Variants in PCDHGA2 observed in about 807,000 individuals in gnomAD.
PCDHGA2 encodes protocadherin gamma subfamily A, 2.
PCDHGA2 carries 40 observed loss-of-function variants against 59.2 expected under a neutral mutation model. The ratio of observed to expected loss-of-function variants is 0.68; its 90% confidence interval spans 0.52 to 0.88. The LOEUF (loss-of-function observed/expected upper bound fraction) is 0.88. Among genes scored for constraint, PCDHGA2 ranks in the 40% least tolerant of loss-of-function variants. The pLI is 0.00. For missense variants in PCDHGA2, 1,226 were observed against 1,204.0 expected, an observed-to-expected ratio of 1.02 and a Z score of -0.27; for synonymous variants, 560 against 526.0, an observed-to-expected ratio of 1.06 and a Z score of -0.89.
chr5:141,400,630 A>G, intron 1 of PCDHGA2: 8 of 1,394,666 alleles, frequency 5.7e-6, no homozygotes, highest in East Asian at 2.3e-5. Flanking sequence ...TAGGGAAGTC[A>G]GAGCTGCTCA....
chr5:141,423,759 G>C, intron 1 of PCDHGA2: 1 of 321,042 alleles, frequency 3.1e-6, no homozygotes, highest in Non-Finnish European at 4.5e-6. Flanking sequence ...TTGGGGGGGG[G>C]GTGGGGCGGC....
intron 1 of PCDHGA2, chr5:141,388,912 C>T: frequency 6.2e-7 from 1 of 1,613,946 alleles, no homozygotes; most frequent in Non-Finnish European, 8.5e-7. Flanking sequence ...GACAACGCCC[C>T]AGAAGTGATA....
intron 1 of PCDHGA2, chr5:141,420,067 A>C (rs2096463342): frequency 6.2e-7 from 1 of 1,614,034 alleles, no homozygotes; most frequent in Non-Finnish European, 8.5e-7. Flanking sequence ...CCAAGTCCGG[A>C]CCTGTGGGTC....
intron 1 of PCDHGA2, chr5:141,413,652 G>A: frequency 6.2e-7 from 1 of 1,613,780 alleles, no homozygotes; most frequent in Non-Finnish European, 8.5e-7. Context: ...TTCCTCTCCC[G>A]GAAGCTATTG....
intron 1 of PCDHGA2, chr5:141,383,056 G>A (rs768364409): frequency 4.3e-6 from 7 of 1,613,906 alleles, no homozygotes; most frequent in Non-Finnish European, 5.9e-6. Context: ...CAAGGACCTG[G>A]GGCTGGAGCC....
At position 141,339,414 on chromosome 5, in the gene PCDHGA2, C is replaced by A. The variant is rs1561479689; in HGVS notation, c.443C>A (p.Pro148Gln). Residue 148 changes from proline (P) to glutamine (Q), a missense_variant, in exon 1 of 4, where the codon CCA becomes CAA. Coordinates refer to ENST00000394576, the MANE Select transcript of PCDHGA2 (RefSeq NM_018915.4). ...LELKISETTT[P>Q]GFRIPLKNAH... ...CTAAAAATCAGTGAAACCACTACGC[C>A]AGGATTCCGGATTCCTCTTAAGAAT... 3 of 1,614,224 alleles carry A rather than the reference C, an allele frequency of 1.9e-6. No homozygotes were observed. The highest frequency in any genetic ancestry group is 2.5e-6 in the Non-Finnish European group (3 of 1,180,042).
At chr5:141,357,850 C>T (rs904874915) in intron 1 of PCDHGA2, 3 of 608,650 alleles carry the variant, frequency 4.9e-6, no homozygotes, top group Admixed American at 3.4e-5. Flanking sequence ...TAGTTTCAGC[C>T]AGAATTTTCT....
intron 1 of PCDHGA2, among the ~76,000 whole-genome samples, chr5:141,457,745 G>T (rs1039982528): frequency 6.6e-6 from 1 of 152,232 alleles, no homozygotes; most frequent in Non-Finnish European, 1.5e-5. Flanking sequence ...TTTTAAAGCT[G>T]AGCCCAGACA....
At chr5:141,398,414 G>C (rs373274513) in intron 1 of PCDHGA2, 1 of 1,487,954 alleles carries the variant, frequency 6.7e-7, no homozygotes, top group Non-Finnish European at 9.3e-7. Flanking sequence ...GAGGAGATAT[G>C]CGGGAAGAAG....
chr5:141,476,920 A>G lies in PCDHGA2; in HGVS notation c.2425-17887A>G. The G allele has an allele frequency of 6.2e-7, 1 of 1,614,094 alleles. No individual in the cohort carries two copies. The highest frequency in any genetic ancestry group is 1.1e-5 in the South Asian group (1 of 91,088). On this transcript the variant is annotated intron_variant, in intron 1 of 3. Coordinates refer to ENST00000394576, the MANE Select transcript of PCDHGA2 (RefSeq NM_018915.4). This position sits in a 1 kb window ranked among gnomAD's most constrained non-coding sequence, Gnocchi z 7.6. ...GCACGCGCGTGGTACAAGTCCTTGC[A>G]ACGGATCTGGATGAAGGCCCCAACG...
At chr5:141,408,401 C>T in intron 1 of PCDHGA2, 2 of 1,614,010 alleles carry the variant, frequency 1.2e-6, no homozygotes, top group Non-Finnish European at 8.5e-7. Context: ...TCGCAAGCTG[C>T]GAGTGAGCGC....
At chr5:141,383,684 T>C in intron 1 of PCDHGA2, 5 of 1,614,014 alleles carry the variant, frequency 3.1e-6, no homozygotes, top group Non-Finnish European at 4.2e-6. Flanking sequence ...ACAAGACTGC[T>C]CACGGTACAT....
chr5:141,427,458 A>T (rs2097029342), intron 1 of PCDHGA2: 1 of 494,398 alleles, frequency 2.0e-6, no homozygotes, highest in African/African-American at 1.9e-5. Context: ...TCCTTTTAGA[A>T]TCGAATCTTC....
In PCDHGA2 at chr5:141,421,044, C is replaced by A. The variant is rs556562994; in HGVS notation, c.2425-73763C>A. 5.5e-6 allele frequency: 3 copies of A among 548,610 alleles called. No individual in the cohort carries two copies. In the South Asian group the frequency reaches 8.2e-5, roughly 15 times the overall value. The allele number at this position is 548,610 out of a possible 1,614,324, so 34.0% of individuals were successfully genotyped here. A position where few individuals can be genotyped will look rare whatever the true frequency, so the allele number is the denominator to read the frequency against. ...CGCGCCATTGAGTCCCTCCCTCCCCCGCCTCTACCACACAAAGCGGAATGA... is the reference window on the plus strand; with the variant it reads ...CGCGCCATTGAGTCCCTCCCTCCCCAGCCTCTACCACACAAAGCGGAATGA... On this transcript the variant is annotated intron_variant, in intron 1 of 3. Transcript: ENST00000394576.
intron 1 of PCDHGA2, chr5:141,430,640 G>A (rs902915974): frequency 1.1e-6 from 1 of 916,196 alleles, no homozygotes; most frequent in East Asian, 2.7e-5. Flanking sequence ...ATCCCTGGGA[G>A]TATGTGGAAA....
chr5:141,389,002 A>T (rs749693513), intron 1 of PCDHGA2: 25 of 1,613,966 alleles, frequency 1.5e-5, no homozygotes, highest in Admixed American at 3.3e-5. Context: ...CGTGACAAGG[A>T]TTCCAGACAC....
chr5:141,477,992 G>T lies in PCDHGA2; in HGVS notation c.2425-16815G>T. The T allele has an allele frequency of 6.2e-7, 1 of 1,614,108 alleles. No individual in the cohort carries two copies. Among genetic ancestry groups the T allele is most frequent in the Non-Finnish European group, 8.5e-7 (1 of 1,180,024 alleles). On this transcript the variant is annotated intron_variant, in intron 1 of 3. Transcript: ENST00000394576. The surrounding 1 kb of genome is among the most constrained non-coding windows in gnomAD (Gnocchi z 4.9). Reference sequence around the variant, plus strand: ...CCTTTTTGCCATAGGGCTGCACACTGGTCAAATCAGTACTGCCCGTCCAGT... The same window carrying T: ...CCTTTTTGCCATAGGGCTGCACACTTGTCAAATCAGTACTGCCCGTCCAGT...
At chr5:141,419,290 T>C (rs1160812369) in intron 1 of PCDHGA2, 1 of 1,613,914 alleles carries the variant, frequency 6.2e-7, no homozygotes, top group African/African-American at 1.3e-5. Context: ...TCAGTGCCTC[T>C]GACCCAGACT....
chr5:141,460,414 T>G (rs1289935272), intron 1 of PCDHGA2, among the ~76,000 whole-genome samples: 1 of 152,216 alleles, frequency 6.6e-6, no homozygotes, highest in Non-Finnish European at 1.5e-5. Context: ...GAGTTGATGT[T>G]TATGTATGGT....
Sources: allele counts gnomAD v4.1 joint callset (sites outside exome capture counted in the v4.1 genomes callset), GRCh38; gene constraint gnomAD v4.1.1; non-coding constraint Gnocchi (gnomAD v3.1); transcripts MANE v1.5; gene names NCBI Gene and HGNC (gene_info 2026-07-23, HGNC 2026-07-21).